Variants in MAGI2 observed in about 807,000 individuals in gnomAD.
MAGI2 encodes membrane-associated guanylate kinase, WW and PDZ domain-containing protein 2.
In MAGI2, 35 loss-of-function variants were observed where a neutral mutation model predicts 133.3. The observed-to-expected ratio is 0.26, with a 90% CI of 0.20 to 0.35. The LOEUF is 0.35. MAGI2 is among the 10% of genes least tolerant of loss of function. The pLI is 1.00. For synonymous variants in MAGI2, 729 were observed against 710.6 expected (o/e 1.03, Z -0.41); for missense variants, 1,636 against 1,863.4 (o/e 0.88, Z 2.25).
At chr7:79,351,188 T>G (rs757232922) in intron 1 of MAGI2, among the ~76,000 whole-genome samples, 13 of 152,112 alleles carry the variant, frequency 8.5e-5, no homozygotes, top group Non-Finnish European at 1.6e-4. Context: ...GATTTTACAT[T>G]TTCATATATG....
At position 78,343,788 on chromosome 7, in the gene MAGI2, T is replaced by C. The variant is rs376171940; in HGVS notation, c.1398A>G (p.Lys466=). The C allele has an allele frequency of 6.4e-7, 1 of 1,555,744 alleles. No homozygotes were observed. The highest frequency in any genetic ancestry group is 1.4e-5 in the African/African-American group (1 of 71,914). The change falls in exon 9 of 22, where the codon AAA becomes AAG. Residue 466 remains lysine, a synonymous_variant. Coordinates refer to ENST00000354212, the MANE Select transcript of MAGI2 (RefSeq NM_012301.4). ...IPDGPAAQDG[K]METGDVIVYI... is the part of the protein sequence containing the mutation. Reference sequence around the variant, plus strand: ...CATGAAGGACCTTACCTGTTTCCATTTTTCCATCCTGTGCTGCAGGCCCAT... The same window carrying C: ...CATGAAGGACCTTACCTGTTTCCATCTTTCCATCCTGTGCTGCAGGCCCAT...
chr7:79,430,089 A>G (rs183143888), intron 1 of MAGI2, among the ~76,000 whole-genome samples: 1 of 152,304 alleles, frequency 6.6e-6, no homozygotes, highest in Non-Finnish European at 1.5e-5. Flanking sequence ...TGCATGATGT[A>G]TTTATTGCAA....
At position 78,256,190 on chromosome 7, in the gene MAGI2, T is replaced by A; in HGVS notation, c.1800A>T (p.Gln600His). Residue 600 changes from glutamine (Q) to histidine (H), a missense_variant, in exon 10 of 22, where the codon CAA (glutamine) becomes CAT (histidine). Gln to His is a conservative substitution (Grantham distance 24, BLOSUM62 0). Coordinates refer to ENST00000354212, the MANE Select transcript of MAGI2 (RefSeq NM_012301.4). Reference protein sequence around the residue: ...NVSMASSGATQAELMTLTIVK... With the variant: ...NVSMASSGATHAELMTLTIVK... ...CAATGGTTAAGGTCATAAGTTCAGC[T>A]TGGGTGGCCCCAGATGAAGCCATAG... is the stretch of plus-strand genomic sequence containing the variant. The A allele has an allele frequency of 6.2e-7, 1 of 1,614,004 alleles. No homozygotes were observed. Among genetic ancestry groups the A allele is most frequent in the Non-Finnish European group, 8.5e-7 (1 of 1,179,994 alleles).
chr7:78,982,730 A>G (rs956150108), intron 2 of MAGI2, among the ~76,000 whole-genome samples: 1 of 108,968 alleles, frequency 9.2e-6, no homozygotes, highest in Non-Finnish European at 1.9e-5. Context: ...CACCTAATGG[A>G]AAATGCCTAT....
intron 9 of MAGI2, among the ~76,000 whole-genome samples, chr7:78,277,526 G>A (rs1795168116): frequency 6.6e-6 from 1 of 152,120 alleles, no homozygotes. Context: ...CTATCCAAAG[G>A]TGCAGCAAGT....
intron 2 of MAGI2, among the ~76,000 whole-genome samples, chr7:78,805,079 A>C (rs1264987567): frequency 6.6e-6 from 1 of 151,840 alleles, no homozygotes; most frequent in African/African-American, 2.4e-5. Context: ...AAAAAATAAA[A>C]AAATAAAAAA....
At chr7:78,072,351 TC>T in intron 21 of MAGI2, among the ~76,000 whole-genome samples, 1 of 152,222 alleles carries the variant, frequency 6.6e-6, no homozygotes, top group Non-Finnish European at 1.5e-5. Flanking sequence ...TGAGAGCAGA[TC>T]CTTTGAGACC....
intron 1 of MAGI2, among the ~76,000 whole-genome samples, chr7:79,270,845 T>C (rs1834822146): frequency 6.6e-6 from 1 of 152,154 alleles, no homozygotes; most frequent in Non-Finnish European, 1.5e-5. Flanking sequence ...TTTCCCACAT[T>C]CTCTAGTTTC....
chr7:78,127,062 T>C, intron 19 of MAGI2, 135 bp downstream of exon 19: 2 of 626,704 alleles, frequency 3.2e-6, no homozygotes, highest in Non-Finnish European at 5.4e-6. Context: ...GTTACCCCGA[T>C]GTTACCAGAA....
chr7:78,204,311 G>C lies in MAGI2; in HGVS notation c.2048-3118C>G, dbSNP rs185959694. On this transcript the variant is annotated intron_variant, in intron 10 of 21. Transcript: ENST00000354212. ...CATCACCCAGAAACTATTACACCTC[G>C]CTTGGCGTCCTAGCCTTTCTCAATT... Among the ~76,000 whole-genome samples, 282 of 152,158 alleles carry C rather than the reference G, an allele frequency of 1.9e-3. 2 individuals carry two copies. Among genetic ancestry groups the C allele is most frequent in the Admixed American group, 0.017 (254 of 15,286 alleles).
chr7:78,300,902 C>T lies in MAGI2; in HGVS notation c.1408+42876G>A, dbSNP rs576496417. On this transcript the variant is annotated intron_variant, in intron 9 of 21. Transcript: ENST00000354212. Reference sequence around the variant, plus strand: ...CTTTCACCTGATCTCAATTGGGAGGCGTGCTTATTACAAATTATCAAAGAG... The same window carrying T: ...CTTTCACCTGATCTCAATTGGGAGGTGTGCTTATTACAAATTATCAAAGAG... 2.6e-4 allele frequency among the ~76,000 whole-genome samples: 40 copies of T among 152,262 alleles called. 1 individual carries two copies. The South Asian group carries it at 6.9e-3, about 26-fold the overall frequency.
chr7:79,197,496 C>T (rs1178048626), intron 1 of MAGI2, among the ~76,000 whole-genome samples: 3 of 152,028 alleles, frequency 2.0e-5, no homozygotes, highest in African/African-American at 7.3e-5. Flanking sequence ...CTCAGCAATG[C>T]AAGTTCTCTG....
chr7:78,673,709 G>T (rs1459490075), intron 2 of MAGI2, among the ~76,000 whole-genome samples: 1 of 152,036 alleles, frequency 6.6e-6, no homozygotes, highest in Non-Finnish European at 1.5e-5. Flanking sequence ...CGGGGAGGGG[G>T]GCAGGCGGTG....
intron 1 of MAGI2, among the ~76,000 whole-genome samples, chr7:79,311,623 C>A (rs1838299429): frequency 6.6e-6 from 1 of 152,116 alleles, no homozygotes; most frequent in Admixed American, 6.6e-5. Flanking sequence ...GTTCTCATAA[C>A]TTTACGTACC....
chr7:79,210,001 CA>C lies in MAGI2; in HGVS notation c.302-202796del, dbSNP rs1353684421. On this transcript the variant is annotated intron_variant, in intron 1 of 21. Transcript: ENST00000354212. ...AAGTTTTGTGGGCACTATTGATAAA[CA>C]AAATGAAAGATAAAGACAAATGAAA... Among the ~76,000 whole-genome samples, 2 of 151,746 alleles carry C rather than the reference CA, an allele frequency of 1.3e-5. 1 individual carries two copies. Among genetic ancestry groups the C allele is most frequent in the African/African-American group, 4.9e-5 (2 of 41,174 alleles).
intron 1 of MAGI2, among the ~76,000 whole-genome samples, chr7:79,097,984 T>A (rs537356646): frequency 1.1e-4 from 16 of 152,142 alleles, no homozygotes; most frequent in South Asian, 1.0e-3. Context: ...TAGCCGGACA[T>A]GGTGGCACAC....
chr7:78,271,296 G>C (rs1195715103), intron 9 of MAGI2, among the ~76,000 whole-genome samples: 1 of 152,176 alleles, frequency 6.6e-6, no homozygotes, highest in Non-Finnish European at 1.5e-5. Flanking sequence ...GCATCCCAGG[G>C]ATGAAGCCGA....
At chr7:79,322,460 GCAAGCTATTTAAACTCCCTGT>G (rs1209158025) in intron 1 of MAGI2, among the ~76,000 whole-genome samples, 3 of 151,914 alleles carry the variant, frequency 2.0e-5, no homozygotes, top group Admixed American at 6.6e-5. Flanking sequence ...GTGATCTTGG[GCAAGCTATTTAAACTCCCTGT>G]CAAGCAATTG....
At chr7:79,145,160 A>T (rs1822498265) in intron 1 of MAGI2, among the ~76,000 whole-genome samples, 1 of 152,176 alleles carries the variant, frequency 6.6e-6, no homozygotes, top group South Asian at 2.1e-4. Flanking sequence ...TAGAAAATTG[A>T]TGTGCTGCCT....
Sources: gnomAD v4.1 joint callset for allele counts (sites outside exome capture counted in the v4.1 genomes callset) on GRCh38, gnomAD v4.1.1 for gene constraint, MANE v1.5 for transcripts, NCBI Gene and HGNC (gene_info 2026-07-23, HGNC 2026-07-21) for gene names.